The following CMSS1 variants were observed in gnomAD, a reference collection of about 807,000 sequenced individuals.
CMSS1 encodes the protein protein CMSS1.
Under a neutral mutation model 43.5 loss-of-function variants are expected in CMSS1, and 33 were observed. The ratio of observed to expected loss-of-function variants is 0.76; its 90% CI spans 0.57 to 1.01. The LOEUF (loss-of-function observed/expected upper bound fraction) is 1.01, where lower values mean the gene tolerates loss of function less well. Among genes scored for constraint, CMSS1 ranks in the 50% least tolerant of loss-of-function variants. CMSS1 has a pLI of 0.00. For missense variants in CMSS1, 313 were observed against 326.4 expected, an observed-to-expected ratio of 0.96 and a Z score of 0.32; for synonymous variants, 115 against 117.2, an observed-to-expected ratio of 0.98 and a Z score of 0.12.
intron 1 of CMSS1, among the ~76,000 whole-genome samples, chr3:100,099,086 C>T (rs752667024): frequency 6.6e-6 from 1 of 152,124 alleles, no homozygotes; most frequent in East Asian, 1.9e-4. Context: ...CATTTGTAAC[C>T]CAGAGAAGTT....
intron 1 of CMSS1, among the ~76,000 whole-genome samples, chr3:99,919,958 G>C (rs1707072724): frequency 6.6e-6 from 1 of 152,202 alleles, no homozygotes. Context: ...AAAGGAACAA[G>C]AGATTAATTC....
In CMSS1 at chr3:99,926,218, T is replaced by G. The variant is rs147406198; in HGVS notation, c.64+108175T>G. On this transcript the variant is annotated intron_variant, in intron 1 of 9. Coordinates refer to ENST00000421999, the MANE Select transcript of CMSS1 (RefSeq NM_032359.4). ...AGTCATTTCAGAAAAAGAGTACAACTGAGGTGTCCCAGCATATAGAACCCA... is the reference window on the plus strand; with the variant it reads ...AGTCATTTCAGAAAAAGAGTACAACGGAGGTGTCCCAGCATATAGAACCCA... Among the ~76,000 whole-genome samples the G allele has an allele frequency of 7.1e-3, 1,087 of 152,348 alleles. 17 individuals are homozygous for G. The highest frequency in any genetic ancestry group is 0.025 in the African/African-American group (1,050 of 41,582).
intron 2 of CMSS1, chr3:100,159,788 G>A: frequency 2.5e-6 from 1 of 402,182 alleles, no homozygotes; most frequent in Non-Finnish European, 5.1e-6. Flanking sequence ...GTACTCAGGG[G>A]TCAAGGCAAC....
intron 1 of CMSS1, among the ~76,000 whole-genome samples, chr3:99,856,753 G>T (rs928190056): frequency 9.2e-5 from 14 of 152,124 alleles, no homozygotes; most frequent in Non-Finnish European, 1.8e-4. Context: ...CACTCAGAGG[G>T]TTTTTTCAGT....
At chr3:100,067,890 G>A (rs943924588) in intron 1 of CMSS1, among the ~76,000 whole-genome samples, 2 of 151,814 alleles carry the variant, frequency 1.3e-5, no homozygotes, top group Non-Finnish European at 2.9e-5. Context: ...CACAATATTA[G>A]TAAACAGATG....
intron 4 of CMSS1, among the ~76,000 whole-genome samples, chr3:100,165,313 T>A (rs1480099734): frequency 6.6e-6 from 1 of 152,202 alleles, no homozygotes; most frequent in African/African-American, 2.4e-5. Flanking sequence ...CAGCCCCTGT[T>A]TTATTTTAAT....
At chr3:100,079,044 A>G (rs1361901813) in intron 1 of CMSS1, among the ~76,000 whole-genome samples, 2 of 152,182 alleles carry the variant, frequency 1.3e-5, no homozygotes, top group Non-Finnish European at 2.9e-5. Flanking sequence ...CTCTTTTCCA[A>G]ATGAGGTGGG....
At chr3:100,087,654 G>GT (rs898007456) in intron 1 of CMSS1, among the ~76,000 whole-genome samples, 6 of 151,832 alleles carry the variant, frequency 4.0e-5, no homozygotes, top group African/African-American at 1.2e-4. Flanking sequence ...TAACTTGCGA[G>GT]TTTTTTTCCC....
At chr3:99,843,095 T>G (rs1438416199) in intron 1 of CMSS1, among the ~76,000 whole-genome samples, 1 of 152,258 alleles carries the variant, frequency 6.6e-6, no homozygotes, top group Non-Finnish European at 1.5e-5. Context: ...AGTAAACTAC[T>G]TGTCTTCCTT....
At chr3:100,031,220 A>AG (rs2065016882) in intron 1 of CMSS1, among the ~76,000 whole-genome samples, 1 of 152,210 alleles carries the variant, frequency 6.6e-6, no homozygotes, top group Non-Finnish European at 1.5e-5. Flanking sequence ...ATATGCCCAA[A>AG]GTACCCCATT....
At position 100,178,600 on chromosome 3, in the gene CMSS1, A is replaced by G. The variant is rs367705222; in HGVS notation, c.*212A>G. ...ATAATAAAGTATCACCGGCTTGTGT[A>G]TGATCCTTGTTGAGCGGACCGTGTT... On this transcript the variant is annotated 3_prime_UTR_variant, in exon 10 of 10. Transcript: ENST00000421999. 1.5e-4 allele frequency: 71 copies of G among 468,136 alleles called. No individual in the cohort carries two copies. The Middle Eastern group carries it at 2.3e-3, about 15-fold the overall frequency. The allele number at this position is 468,136 out of a possible 1,614,324, so 29.0% of individuals were successfully genotyped here.
At chr3:100,087,377 T>A (rs890498274) in intron 1 of CMSS1, among the ~76,000 whole-genome samples, 2 of 152,222 alleles carry the variant, frequency 1.3e-5, no homozygotes, top group African/African-American at 4.8e-5. Context: ...GTCAGTGGGT[T>A]AGTTTGGTTT....
At chr3:100,034,116 T>C (rs2065066953) in intron 1 of CMSS1, among the ~76,000 whole-genome samples, 1 of 152,194 alleles carries the variant, frequency 6.6e-6, no homozygotes, top group African/African-American at 2.4e-5. Context: ...CATCATCCAT[T>C]GAAATTGACA....
chr3:100,143,743 G>A (rs1212257731), intron 1 of CMSS1, among the ~76,000 whole-genome samples: 1 of 152,140 alleles, frequency 6.6e-6, no homozygotes, highest in East Asian at 1.9e-4. Context: ...TGGAGAGCCT[G>A]CTGTTTGGTG....
chr3:99,988,087 ATCT>A (rs886122401), intron 1 of CMSS1, among the ~76,000 whole-genome samples: 76 of 152,302 alleles, frequency 5.0e-4, no homozygotes, highest in African/African-American at 1.8e-3. Context: ...CTTCTTAAGA[ATCT>A]TCTTTTTATA....
intron 1 of CMSS1, among the ~76,000 whole-genome samples, chr3:99,955,093 C>A (rs1177615910): frequency 6.6e-6 from 1 of 152,176 alleles, no homozygotes; most frequent in Non-Finnish European, 1.5e-5. Context: ...GGTAATTTGT[C>A]TTTCATCACC....
intron 1 of CMSS1, among the ~76,000 whole-genome samples, chr3:99,998,317 A>G (rs1043280115): frequency 6.6e-6 from 1 of 152,218 alleles, no homozygotes; most frequent in African/African-American, 2.4e-5. Context: ...TTCTAACTAC[A>G]GGGTTAGAAA....
At chr3:99,877,712 C>T (rs78603775) in intron 1 of CMSS1, among the ~76,000 whole-genome samples, 173 of 152,286 alleles carry the variant, frequency 1.1e-3, no homozygotes, top group Non-Finnish European at 1.0e-3. Flanking sequence ...TTTTTAGTCT[C>T]CTGTGCTTAC....
chr3:100,130,051 A>G (rs1039477586), intron 1 of CMSS1, among the ~76,000 whole-genome samples: 1 of 152,070 alleles, frequency 6.6e-6, no homozygotes, highest in Middle Eastern at 3.2e-3. Flanking sequence ...CCCTTTGCCA[A>G]CTCCATGTCA....
Sources: gnomAD v4.1 joint callset for allele counts (sites outside exome capture counted in the v4.1 genomes callset) on GRCh38, gnomAD v4.1.1 for gene constraint, MANE v1.5 for transcripts, NCBI Gene and HGNC (gene_info 2026-07-23, HGNC 2026-07-21) for gene names.